PRPF31: variants seen among roughly 807,000 people sequenced by gnomAD.
The protein encoded by PRPF31 is pre-mRNA processing factor 31.
PRPF31 carries 12 observed loss-of-function variants against 60.4 expected under a neutral mutation model. The ratio of observed to expected loss-of-function variants is 0.20; its 90% CI spans 0.13 to 0.32. The LOEUF is 0.32. Among genes scored for constraint, PRPF31 ranks in the 10% least tolerant of loss-of-function variants. The pLI, the probability that PRPF31 is intolerant of heterozygous loss-of-function variation, is 1.00. For missense variants in PRPF31, 431 were observed against 687.1 expected (o/e 0.63, Z 4.17); for synonymous variants, 287 against 287.9 (o/e 1.00, Z 0.03).
intron 1 of PRPF31, among the ~76,000 whole-genome samples, chr19:54,117,382 A>G (rs1479166085): frequency 6.6e-6 from 1 of 152,104 alleles, no homozygotes; most frequent in African/African-American, 2.4e-5. Context: ...GGCATACAGG[A>G]GTGGTGCTGG....
chr19:54,131,681 G>T lies in PRPF31; in HGVS notation c.*249G>T. 1.7e-6 allele frequency: 1 copy of T among 596,706 alleles called. No individual in the cohort carries two copies. The highest frequency in any genetic ancestry group is 2.0e-5 in the South Asian group (1 of 50,862). The allele number at this position is 596,706 out of a possible 1,614,324, so 37.0% of individuals were successfully genotyped here. On this transcript the variant is annotated 3_prime_UTR_variant, in exon 14 of 14. Transcript: ENST00000321030. ...TTTTAACTGAGAAAGGAGATTTTTT[G>T]AAAAGAGTACAATTAAAAGGACATT...
intron 9 of PRPF31, among the ~76,000 whole-genome samples, chr19:54,127,781 C>T (rs765005092): frequency 1.3e-5 from 2 of 152,200 alleles, no homozygotes; most frequent in Non-Finnish European, 2.9e-5. Flanking sequence ...CCCCATCTCA[C>T]CCCTGGTCTG....
rs2073998651 is a variant in PRPF31 at position 54,129,291 on chromosome 19, G to A, written c.1295G>A (p.Ser432Asn). 3 of 1,611,536 alleles carry A rather than the reference G, an allele frequency of 1.9e-6. No individual in the cohort carries two copies. Among genetic ancestry groups the A allele is most frequent in the Non-Finnish European group, 2.5e-6 (3 of 1,179,496 alleles). ...KTLQRTLQKQSVVYGGKSTIR... is the reference protein window; with the variant it reads ...KTLQRTLQKQNVVYGGKSTIR... ...CCACAGCGGACCCTGCAGAAGCAGA[G>A]CGTCGTATATGGCGGGAAGTCCACC... The change falls in exon 13 of 14, where the codon AGC (serine) becomes AAC (asparagine). Residue 432 changes from serine to asparagine, a missense_variant. Physicochemically the swap from Ser to Asn is conservative, Grantham distance 46. Around this residue, in one of 4 missense-constraint regions of PRPF31, gnomAD observed 314 missense variants for 475.3 expected, o/e 0.66. Transcript: ENST00000321030.
intron 7 of PRPF31, chr19:54,124,133 GA>G: frequency 9.7e-7 from 1 of 1,027,900 alleles, no homozygotes; most frequent in Non-Finnish European, 1.4e-6. Flanking sequence ...CCCTGTGCCG[GA>G]AACCCAGAGA....
rs1472231888 is a variant in PRPF31 at position 54,128,346 on chromosome 19, G to A, written c.1115G>A (p.Arg372Gln). The A allele has an allele frequency of 7.6e-6, 11 of 1,456,886 alleles. No homozygotes were observed. Among genetic ancestry groups the A allele is most frequent in the South Asian group, 1.2e-5 (1 of 82,494 alleles). 90.2% of individuals were successfully genotyped at this position (1,456,886 alleles called of 1,614,324 possible). The change falls in exon 11 of 14, where the codon CGG becomes CAG. Residue 372 changes from arginine (R) to glutamine (Q), a missense_variant. Transcript: ENST00000321030. ...MKERLGLTEI[R>Q]KQANRMSFGE... is the part of the protein sequence containing the mutation. Reference sequence around the variant, plus strand: ...GAGCGGCTGGGGCTGACGGAGATCCGGAAGCAGGCCAACCGTATGAGCTTC... The same window carrying A: ...GAGCGGCTGGGGCTGACGGAGATCCAGAAGCAGGCCAACCGTATGAGCTTC...
Position 54,124,512 on chromosome 19 carries a change from C to A in PRPF31, c.711C>A (p.Gly237=), listed in dbSNP as rs1369217866. ...CTCCCACCGCAGGTGTGGCCGGCGGCCTGACCAACCTCTCCAAGATGCCCG... is the reference window on the plus strand; with the variant it reads ...CTCCCACCGCAGGTGTGGCCGGCGGACTGACCAACCTCTCCAAGATGCCCG... ...TAAKIMGVAG[G]LTNLSKMPAC... The change falls in exon 8 of 14, where the codon GGC becomes GGA. Residue 237 remains glycine, a synonymous_variant. Transcript: ENST00000321030. 3.7e-6 allele frequency: 6 copies of A among 1,603,004 alleles called. No homozygotes were observed. The African/African-American group carries it at 5.4e-5, about 14-fold the overall frequency.
intron 5 of PRPF31, 167 bp downstream of exon 5, chr19:54,122,761 CTT>C (rs2073824491): frequency 1.4e-6 from 1 of 700,348 alleles, no homozygotes; most frequent in African/African-American, 1.8e-5. Context: ...CTGGACAGGA[CTT>C]TCTCAGGGCT....
chr19:54,124,024 A>T (rs1417579933), intron 7 of PRPF31, 106 bp downstream of exon 7: 1 of 1,555,814 alleles, frequency 6.4e-7, no homozygotes, highest in African/African-American at 1.3e-5. Context: ...CCTGGACCTC[A>T]GCACCCCGTC....
chr19:54,120,085 A>T (rs1205326178), intron 3 of PRPF31: 1 of 152,250 alleles, frequency 6.6e-6, no homozygotes, highest in Admixed American at 6.5e-5. Flanking sequence ...AAGAATCGAT[A>T]GCTGAATTGG....
intron 7 of PRPF31, 137 bp from the exon 8 acceptor site, chr19:54,124,362 G>T: frequency 1.1e-6 from 1 of 888,494 alleles, no homozygotes. Context: ...CGCCCGCCTG[G>T]CAGGGCCATC....
Position 54,118,278 on chromosome 19 carries a change from G to A in PRPF31, c.-1G>A. 6.2e-7 allele frequency: 1 copy of A among 1,612,856 alleles called. No individual in the cohort carries two copies. ...GCTGCTGTCCCTCCCCAGGCCTCGG[G>A]ATGTCTCTGGCAGATGAGCTCTTAG... On this transcript the variant is annotated 5_prime_UTR_variant, in exon 2 of 14. Coordinates refer to ENST00000321030, the MANE Select transcript of PRPF31 (RefSeq NM_015629.4).
At chr19:54,120,729 T>TC (rs1434717873) in intron 3 of PRPF31, among the ~76,000 whole-genome samples, 1 of 152,184 alleles carries the variant, frequency 6.6e-6, no homozygotes, top group Non-Finnish European at 1.5e-5. Flanking sequence ...TGCCTCAGCC[T>TC]CCCAGGCAGC....
intron 4 of PRPF31, 148 bp from the exon 5 acceptor site, chr19:54,122,349 C>G: frequency 1.3e-6 from 1 of 775,220 alleles, no homozygotes; most frequent in Non-Finnish European, 2.4e-6. Context: ...GTAAGGACGG[C>G]TGAGAAAGGC....
rs367896277 is a variant in PRPF31, at chr19:54,129,132, C to G, written c.1222C>G (p.Arg408Gly). The change falls in exon 12 of 14, where the codon CGG becomes GGG. Residue 408 changes from arginine to glycine, a missense_variant. This residue lies in a region of PRPF31 where 314 missense variants were observed against 475.3 expected (regional missense o/e 0.66). Coordinates refer to ENST00000321030, the MANE Select transcript of PRPF31 (RefSeq NM_015629.4). The part of the protein sequence containing the change: ...HLGKSGSGRV[R>G]QTQVNEATKA... ...GGGCAAGTCGGGCAGTGGGCGTGTG[C>G]GGCAGACACAGGTAAACGAGGCCAC... 1 of 1,581,982 alleles carries G rather than the reference C, an allele frequency of 6.3e-7. No homozygotes were observed.
chr19:54,126,489 G>T, intron 8 of PRPF31, 39 bp from the exon 9 acceptor site: 2 of 1,590,506 alleles, frequency 1.3e-6, no homozygotes, highest in Non-Finnish European at 1.7e-6. Flanking sequence ...CTGTCTGTCT[G>T]TCTCACACAG....
Position 54,131,600 on chromosome 19 carries a change from G to A in PRPF31, c.*168G>A, listed in dbSNP as rs2074049209. On this transcript the variant is annotated 3_prime_UTR_variant, in exon 14 of 14. Coordinates refer to ENST00000321030, the MANE Select transcript of PRPF31 (RefSeq NM_015629.4). ...GAAGAGTCCGGCCTGGCCTCCCCCA[G>A]GACCGAGATCACCGCCCAGTATGGG... 4 of 1,032,984 alleles carry A rather than the reference G, an allele frequency of 3.9e-6. No homozygotes were observed. In the South Asian group the frequency reaches 4.2e-5, roughly 11 times the overall value. The allele number at this position is 1,032,984 out of a possible 1,614,324, so 64.0% of individuals were successfully genotyped here. A position where few individuals can be genotyped will look rare whatever the true frequency, so the allele number is the denominator to read the frequency against.
intron 8 of PRPF31, chr19:54,125,163 C>A: frequency 4.9e-6 from 1 of 205,834 alleles, no homozygotes; most frequent in Non-Finnish European, 1.0e-5. Context: ...CGGGACACAT[C>A]ACCATCCCAG....
chr19:54,118,980 T>C (rs1418739463), intron 3 of PRPF31, among the ~76,000 whole-genome samples: 1 of 152,134 alleles, frequency 6.6e-6, no homozygotes, highest in Non-Finnish European at 1.5e-5. Flanking sequence ...TCTAGGACTT[T>C]TTTTCTTAAA....
At chr19:54,122,678 G>C in intron 5 of PRPF31, 84 bp downstream of exon 5, 1 of 1,074,016 alleles carries the variant, frequency 9.3e-7, no homozygotes, top group Non-Finnish European at 1.4e-6. Context: ...AGAGGCCTGA[G>C]GGTCTGGAGA....
Sources: allele counts gnomAD v4.1 joint callset (sites outside exome capture counted in the v4.1 genomes callset), GRCh38; gene constraint gnomAD v4.1.1; regional missense constraint gnomAD v4.1.1; transcripts MANE v1.5; gene names NCBI Gene and HGNC (gene_info 2026-07-23, HGNC 2026-07-21).